The following PDK1 variants were observed in gnomAD, a reference collection of about 807,000 sequenced individuals.
PDK1 encodes the protein pyruvate dehydrogenase kinase 1, also known as [Pyruvate dehydrogenase (acetyl-transferring)] kinase isozyme 1, mitochondrial.
In PDK1, 39 loss-of-function variants were observed where a neutral mutation model predicts 54.2. That is an observed-to-expected ratio of 0.72 (90% confidence interval 0.56 to 0.94). The LOEUF is 0.94. PDK1 is among the 40% of genes least tolerant of loss of function. The pLI, the probability that PDK1 is intolerant of heterozygous loss-of-function variation, is 0.00. For missense variants in PDK1, 552 were observed against 566.0 expected (o/e 0.98, Z 0.25); for synonymous variants, 221 against 207.1 (o/e 1.07, Z -0.58).
intron 8 of PDK1, among the ~76,000 whole-genome samples, chr2:172,582,101 C>T (rs1361715493): frequency 2.0e-5 from 3 of 152,034 alleles, no homozygotes; most frequent in Non-Finnish European, 4.4e-5. Flanking sequence ...TTAGTAGAGA[C>T]AGAGTTTCAC....
rs902431424 is a variant in PDK1 at position 172,597,725 on chromosome 2, T to A, written c.*1756T>A. On this transcript the variant is annotated 3_prime_UTR_variant, in exon 11 of 11. Coordinates refer to ENST00000282077, the MANE Select transcript of PDK1 (RefSeq NM_002610.5). ...CATTTAGAGACTGTGTTGTTAGTTA[T>A]CCCTCAACATCTTCTAAGGTGGCAG... The A allele has an allele frequency of 6.6e-6, 1 of 152,198 alleles. No homozygotes were observed. The highest frequency in any genetic ancestry group is 2.4e-5 in the African/African-American group (1 of 41,444). The allele number at this position is 152,198 out of a possible 1,614,324, so 9.4% of individuals were successfully genotyped here. A position where few individuals can be genotyped will look rare whatever the true frequency, so the allele number is the denominator to read the frequency against.
At chr2:172,614,617 G>C in the PDK1 span, among the ~76,000 whole-genome samples, 22,350 of 152,084 alleles carry the variant, frequency 0.15, 2,100 homozygotes, top group Non-Finnish European at 0.22. Context: ...CTCTTTTCAG[G>C]GCCTTCTCTC....
At chr2:172,721,932 G>A in the PDK1 span, among the ~76,000 whole-genome samples, 5 of 152,208 alleles carry the variant, frequency 3.3e-5, no homozygotes, top group Non-Finnish European at 5.9e-5. Context: ...TTCTATAGTA[G>A]AATGCCATTG....
chr2:172,609,550 A>G (rs1276974047), downstream of PDK1, among the ~76,000 whole-genome samples: 2 of 152,262 alleles, frequency 1.3e-5, no homozygotes, highest in Non-Finnish European at 2.9e-5. Flanking sequence ...TCAATAAAAT[A>G]AAGATCACAT....
chr2:172,637,546 G>A, the PDK1 span, among the ~76,000 whole-genome samples: 1 of 152,140 alleles, frequency 6.6e-6, no homozygotes, highest in African/African-American at 2.4e-5. Context: ...AATAATTTTT[G>A]TTTTTCTCCC....
chr2:172,557,511 C>G (rs532709406), intron 1 of PDK1, among the ~76,000 whole-genome samples: 3 of 151,878 alleles, frequency 2.0e-5, no homozygotes, highest in African/African-American at 7.3e-5. Context: ...CTTTCAGTAA[C>G]CAGACAATTG....
At chr2:172,638,723 G>T in the PDK1 span, among the ~76,000 whole-genome samples, 283 of 151,786 alleles carry the variant, frequency 1.9e-3, 4 homozygotes, top group African/African-American at 5.8e-3. Context: ...ACCAATCAAT[G>T]CTCTGTGTCT....
intron 9 of PDK1, among the ~76,000 whole-genome samples, chr2:172,590,669 C>A (rs964917127): frequency 6.6e-6 from 1 of 152,086 alleles, no homozygotes; most frequent in Non-Finnish European, 1.5e-5. Flanking sequence ...AGTGAAAGAA[C>A]AAAGTTTCCG....
chr2:172,651,003 C>T, the PDK1 span, among the ~76,000 whole-genome samples: 1 of 152,292 alleles, frequency 6.6e-6, no homozygotes, highest in Admixed American at 6.5e-5. Context: ...ACAGAACTCT[C>T]CACCCCAAAT....
chr2:172,652,698 A>G, the PDK1 span, among the ~76,000 whole-genome samples: 1 of 152,238 alleles, frequency 6.6e-6, no homozygotes, highest in East Asian at 1.9e-4. Context: ...GAGCCAAATC[A>G]TGAGTGAACT....
the PDK1 span, among the ~76,000 whole-genome samples, chr2:172,671,392 A>C: frequency 6.6e-6 from 1 of 151,430 alleles, no homozygotes; most frequent in African/African-American, 2.4e-5. Context: ...TTCAAAGATA[A>C]ATTTTTTATT....
the PDK1 span, among the ~76,000 whole-genome samples, chr2:172,660,982 T>C: frequency 6.6e-6 from 1 of 152,086 alleles, no homozygotes; most frequent in Non-Finnish European, 1.5e-5. Flanking sequence ...AGTTTGATAA[T>C]GGTATACAAA....
At chr2:172,632,873 G>A in the PDK1 span, among the ~76,000 whole-genome samples, 2,543 of 150,790 alleles carry the variant, frequency 0.017, 72 homozygotes, top group African/African-American at 0.058. Context: ...CCAGCTACTC[G>A]GGAGGCTGAG....
In PDK1 at chr2:172,604,273, G is replaced by C. The variant is rs1691212794; in HGVS notation, c.*8304G>C. On this transcript the variant is annotated 3_prime_UTR_variant, in exon 11 of 11. Transcript: ENST00000282077. ...ATTTTCGTATTTTTAGCAGAGACAGGGTGTCGCCACCTCAAGGGATCCACC... is the reference window on the plus strand; with the variant it reads ...ATTTTCGTATTTTTAGCAGAGACAGCGTGTCGCCACCTCAAGGGATCCACC... The C allele has an allele frequency of 6.6e-6, 1 of 152,122 alleles. No individual in the cohort carries two copies. The highest frequency in any genetic ancestry group is 2.1e-4 in the South Asian group (1 of 4,826). 9.4% of individuals were successfully genotyped at this position (152,122 alleles called of 1,614,324 possible). A position where few individuals can be genotyped will look rare whatever the true frequency, so the allele number is the denominator to read the frequency against.
At chr2:172,701,860 A>G in the PDK1 span, among the ~76,000 whole-genome samples, 1 of 152,028 alleles carries the variant, frequency 6.6e-6, no homozygotes, top group Non-Finnish European at 1.5e-5. Context: ...ATGTACTTAC[A>G]TATGTCTGTT....
chr2:172,701,910 T>C, the PDK1 span, among the ~76,000 whole-genome samples: 1 of 152,176 alleles, frequency 6.6e-6, no homozygotes, highest in Non-Finnish European at 1.5e-5. Context: ...CCCTTTAGTA[T>C]TGCGTTTAGT....
the PDK1 span, among the ~76,000 whole-genome samples, chr2:172,619,435 G>A: frequency 5.9e-5 from 9 of 151,842 alleles, no homozygotes; most frequent in Non-Finnish European, 1.2e-4. Flanking sequence ...GACACTGCCC[G>A]TAACTCATTT....
the PDK1 span, among the ~76,000 whole-genome samples, chr2:172,631,177 A>G: frequency 3.3e-5 from 5 of 152,230 alleles, no homozygotes; most frequent in Admixed American, 2.0e-4. Flanking sequence ...GGCCACCTCT[A>G]TCAAATAACA....
At chr2:172,686,750 C>T in the PDK1 span, among the ~76,000 whole-genome samples, 2 of 152,340 alleles carry the variant, frequency 1.3e-5, no homozygotes, top group African/African-American at 4.8e-5. Flanking sequence ...TCTGCAGCTT[C>T]ATTCTTGAAG....
Sources: allele counts gnomAD v4.1 joint callset (sites outside exome capture counted in the v4.1 genomes callset), GRCh38; gene constraint gnomAD v4.1.1; transcripts MANE v1.5; gene names NCBI Gene and HGNC (gene_info 2026-07-23, HGNC 2026-07-21).